Variants in MEG3 observed in about 807,000 individuals in gnomAD.
MEG3 encodes maternally expressed 3.
downstream of MEG3, chr14:100,832,528 T>G (rs574003754): frequency 6.6e-6 from 1 of 152,634 alleles, no homozygotes; most frequent in Admixed American, 6.5e-5. Context: ...TCTCGGGCCT[T>G]GTCGAAGGAA....
intron 2 of MEG3, among the ~76,000 whole-genome samples, chr14:100,840,856 G>C (rs927790424): frequency 1.3e-5 from 2 of 152,216 alleles, no homozygotes; most frequent in Non-Finnish European, 2.9e-5. Context: ...AGGACAGTCG[G>C]GGGCCAAAGG....
At chr14:100,836,185 G>T (rs754079969) in exon 2 of MEG3, 1 of 456,004 alleles carries the variant, frequency 2.2e-6, no homozygotes, top group Non-Finnish European at 4.4e-6. Flanking sequence ...GCCGTGGCCC[G>T]GCTGGGTCGG....
At chr14:100,834,848 TGA>T in exon 1 of MEG3, 2 of 456,326 alleles carry the variant, frequency 4.4e-6, no homozygotes, top group Non-Finnish European at 8.8e-6. Context: ...AATTCATTTT[TGA>T]GAGGTGTGTG....
chr14:100,856,166 G>C (rs1311941372), upstream of MEG3: 3 of 152,178 alleles, frequency 2.0e-5, no homozygotes, highest in Admixed American at 2.0e-4. Flanking sequence ...CCCGTGCAGG[G>C]GTCTGCATAG....
exon 1 of MEG3, chr14:100,835,039 A>G (rs937642714): frequency 3.1e-5 from 11 of 349,364 alleles, no homozygotes; most frequent in African/African-American, 2.2e-4. Context: ...TGTCCCCAGG[A>G]GGGCGGGCCG....
chr14:100,842,475 T>C (rs1486054943), intron 2 of MEG3, among the ~76,000 whole-genome samples: 1 of 152,190 alleles, frequency 6.6e-6, no homozygotes, highest in Non-Finnish European at 1.5e-5. Flanking sequence ...GGGTCTGTAA[T>C]GTCCAGGGCC....
exon 1 of MEG3, chr14:100,857,738 A>G (rs1158180225): frequency 6.6e-6 from 1 of 152,056 alleles, no homozygotes; most frequent in Non-Finnish European, 1.5e-5. Flanking sequence ...GGTTTGCTGT[A>G]CCTGTCGCTG....
At chr14:100,832,425 A>G (rs912576594), downstream of MEG3, 4 of 152,344 alleles carry the variant, frequency 2.6e-5, no homozygotes, top group Non-Finnish European at 5.9e-5. Context: ...ATGAATGGCT[A>G]ACAGAAAAGG....
intron 3 of MEG3, chr14:100,851,076 G>A (rs536862733): frequency 6.6e-6 from 1 of 152,500 alleles, no homozygotes; most frequent in South Asian, 2.1e-4. Context: ...TGGCTGTGTG[G>A]GCCATTTCAC....
intron 3 of MEG3, chr14:100,852,030 A>G (rs2038095516): frequency 4.0e-6 from 1 of 247,522 alleles, no homozygotes; most frequent in Non-Finnish European, 8.2e-6. Context: ...CGCCCGGAGC[A>G]GTAGGAGCAC....
downstream of MEG3, chr14:100,830,385 C>CA (rs72228212): frequency 0.19 from 26,102 of 139,106 alleles, 2,639 homozygotes; most frequent in Middle Eastern, 0.28. Context: ...ACACACACAC[C>CA]CCCTCGTGTA....
chr14:100,856,325 G>C (rs1379670686), upstream of MEG3: 1 of 152,714 alleles, frequency 6.5e-6, no homozygotes, highest in Admixed American at 6.5e-5. Flanking sequence ...AGGTCTTGGG[G>C]GTTCAACCTG....
intron 1 of MEG3, chr14:100,836,130 G>T (rs775151187): frequency 2.3e-6 from 1 of 426,480 alleles, no homozygotes; most frequent in Non-Finnish European, 4.6e-6. Flanking sequence ...CGGGGCGCTT[G>T]CCTTGCCATG....
At chr14:100,832,320 C>T (rs1198793321), downstream of MEG3, 1 of 152,132 alleles carries the variant, frequency 6.6e-6, no homozygotes, top group African/African-American at 2.4e-5. Context: ...CGAGTTTAAC[C>T]TCTTTACCTC....
intron 3 of MEG3, chr14:100,852,229 G>A: frequency 2.3e-6 from 1 of 436,990 alleles, no homozygotes; most frequent in South Asian, 1.7e-5. Context: ...CTGAGCTGAT[G>A]GCAGCAAAGT....
At chr14:100,833,037 C>T (rs2037443054), downstream of MEG3, 3 of 152,192 alleles carry the variant, frequency 2.0e-5, no homozygotes, top group Admixed American at 2.0e-4. Flanking sequence ...TGGGCATAGC[C>T]CTAGGGGAGT....
intron 2 of MEG3, among the ~76,000 whole-genome samples, chr14:100,842,533 T>A (rs2037791724): frequency 6.6e-6 from 1 of 152,096 alleles, no homozygotes; most frequent in African/African-American, 2.4e-5. Flanking sequence ...GAGCTTGCAT[T>A]TGTCAGGGGA....
At position 100,845,465 on chromosome 14, in the gene MEG3, C is replaced by T; in HGVS notation, n.3053C>T. On this transcript the variant is annotated non_coding_transcript_exon_variant, in exon 3 of 4. Transcript: ENST00000398461. This position sits in a 1 kb window ranked among gnomAD's most constrained non-coding sequence, Gnocchi z 5.2. The stretch of plus-strand genomic sequence containing the variant: ...AGTGCCTTCTTGTTACAGCGGAAGC[C>T]ATCACCTGGATGCCTACGTGGGAAG... 1 of 456,812 alleles carries T rather than the reference C, an allele frequency of 2.2e-6. No individual in the cohort carries two copies. Among genetic ancestry groups the T allele is most frequent in the Non-Finnish European group, 4.4e-6 (1 of 226,986 alleles). 28.3% of individuals were successfully genotyped at this position (456,812 alleles called of 1,614,324 possible). A position where few individuals can be genotyped will look rare whatever the true frequency, so the allele number is the denominator to read the frequency against.
chr14:100,832,010 A>G (rs551879360), downstream of MEG3: 44 of 152,262 alleles, frequency 2.9e-4, no homozygotes, highest in African/African-American at 1.0e-3. Context: ...TTTCGTATAC[A>G]TTAGGTTCCC....
Sources: allele counts gnomAD v4.1 joint callset (sites outside exome capture counted in the v4.1 genomes callset), GRCh38; gene constraint gnomAD v4.1.1; non-coding constraint Gnocchi (gnomAD v3.1); transcripts MANE v1.5; gene names NCBI Gene and HGNC (gene_info 2026-07-23, HGNC 2026-07-21).